The following ZNF493 variants were observed in gnomAD, a reference collection of about 807,000 sequenced individuals.
The protein encoded by ZNF493 is zinc finger protein 493.
In ZNF493, 11 loss-of-function variants were observed where a neutral mutation model predicts 12.2. The ratio of observed to expected loss-of-function variants is 0.90; its 90% CI spans 0.57 to 1.50. The LOEUF (loss-of-function observed/expected upper bound fraction) is 1.50. Ranked by LOEUF, ZNF493 falls within the 40% of genes most tolerant of loss-of-function variation. The pLI is 0.00. For missense variants in ZNF493, 950 were observed against 906.6 expected (o/e 1.05, Z -0.61); for synonymous variants, 286 against 302.6 (o/e 0.95, Z 0.57).
rs892406185 is a variant in ZNF493, at chr19:21,418,671, A to T, written c.254-4242A>T. Among the ~76,000 whole-genome samples, 23 of 152,316 alleles carry T rather than the reference A, an allele frequency of 1.5e-4. No individual in the cohort carries two copies. The South Asian group carries it at 1.9e-3, about 12-fold the overall frequency. On this transcript the variant is annotated intron_variant, in intron 3 of 3. Transcript: ENST00000392288. ...AGCTGAGATCCCTGAACAGAGATTT[A>T]CCCACGTATTTATTAACAGCAAGCC... is the stretch of plus-strand genomic sequence containing the variant.
rs1221904749 is a variant in ZNF493 at position 21,424,426 on chromosome 19, T to C, written c.1767T>C (p.Thr589=). 1 of 1,613,358 alleles carries C rather than the reference T, an allele frequency of 6.2e-7. No individual in the cohort carries two copies. Among genetic ancestry groups the C allele is most frequent in the Admixed American group, 1.7e-5 (1 of 59,900 alleles). The change falls in exon 4 of 4, where the codon ACT becomes ACC. Residue 589 remains threonine, a synonymous_variant. Transcript: ENST00000392288. ...CCTTTAGTGTATTCTCAACCCTTAC[T>C]AAACACAAGATAATTCATACTGATA... ...GKSFSVFSTL[T]KHKIIHTDKK... is the part of the protein sequence containing the mutation.
At chr19:21,408,879 TTC>T in intron 3 of ZNF493, 2 of 853,024 alleles carry the variant, frequency 2.3e-6, no homozygotes, top group Non-Finnish European at 2.7e-6. Flanking sequence ...CTTTCTTTCT[TTC>T]TTTTTTTTTT....
At chr19:21,406,314 A>G (rs903398765) in intron 3 of ZNF493, among the ~76,000 whole-genome samples, 2 of 152,022 alleles carry the variant, frequency 1.3e-5, no homozygotes, top group Non-Finnish European at 2.9e-5. Context: ...TTCCAAAGCA[A>G]AGAGTTTCTC....
chr19:21,412,055 C>T (rs1474742808), intron 3 of ZNF493: 2 of 151,932 alleles, frequency 1.3e-5, no homozygotes, highest in African/African-American at 4.8e-5. Flanking sequence ...GAGACCCTAA[C>T]CCAACGGTGC....
At chr19:21,420,291 TTTTA>T (rs2030616904) in intron 3 of ZNF493, among the ~76,000 whole-genome samples, 1 of 152,040 alleles carries the variant, frequency 6.6e-6, no homozygotes, top group South Asian at 2.1e-4. Flanking sequence ...TCTTCTTTAT[TTTTA>T]TTTTATATGC....
Position 21,405,111 on chromosome 19 carries a change from T to TG in ZNF493, c.31-17dup, listed in dbSNP as rs1378114339. The TG allele has an allele frequency of 6.2e-7, 1 of 1,602,394 alleles. No homozygotes were observed. ...AAATGTGTGTGTGTGTGTGTGTGTTTGTGTGTGTTTGTTTCAGGGGCCGTT... is the reference window on the plus strand; with the variant it reads ...AAATGTGTGTGTGTGTGTGTGTGTTTGGTGTGTGTTTGTTTCAGGGGCCGTT... On this transcript the variant is annotated splice_polypyrimidine_tract_variant and intron_variant, in intron 1 of 3. Transcript: ENST00000392288.
intron 3 of ZNF493, chr19:21,408,339 A>T (rs1223112940): frequency 2.8e-6 from 2 of 722,536 alleles, no homozygotes; most frequent in Non-Finnish European, 3.4e-6. Context: ...ATGTTGGCTA[A>T]GCTGGGTCTC....
In ZNF493 at chr19:21,424,360, T is replaced by C. The variant is rs571858742; in HGVS notation, c.1701T>C (p.His567=). The change falls in exon 4 of 4, where the codon CAT becomes CAC. Residue 567 remains histidine, a synonymous_variant. Coordinates refer to ENST00000392288, the MANE Select transcript of ZNF493 (RefSeq NM_001076678.3). ...ACCTTACTACACATAAGAGAATTCA[T>C]ACTGGACACAAACCCTACAAATGTA... ...SSHLTTHKRI[H]TGHKPYKCKE... 1.9e-6 allele frequency: 3 copies of C among 1,613,494 alleles called. No homozygotes were observed. Among genetic ancestry groups the C allele is most frequent in the Non-Finnish European group, 2.5e-6 (3 of 1,179,722 alleles).
chr19:21,427,560 G>A lies in ZNF493; in HGVS notation c.*2576G>A, dbSNP rs975362701. 1 of 152,080 alleles carries A rather than the reference G, an allele frequency of 6.6e-6. No individual in the cohort carries two copies. Among genetic ancestry groups the A allele is most frequent in the African/African-American group, 2.4e-5 (1 of 41,410 alleles). The allele number at this position is 152,080 out of a possible 1,614,324, so 9.4% of individuals were successfully genotyped here. Reference sequence around the variant, plus strand: ...TAAATATTATTGTGCATTCAATAAAGTGTTGTTATGCCACAAAGATTAACA... The same window carrying A: ...TAAATATTATTGTGCATTCAATAAAATGTTGTTATGCCACAAAGATTAACA... On this transcript the variant is annotated 3_prime_UTR_variant, in exon 4 of 4. Coordinates refer to ENST00000392288, the MANE Select transcript of ZNF493 (RefSeq NM_001076678.3).
chr19:21,416,760 T>G (rs2030507745), intron 3 of ZNF493, among the ~76,000 whole-genome samples: 1 of 152,206 alleles, frequency 6.6e-6, no homozygotes, highest in Admixed American at 6.5e-5. Flanking sequence ...CTCCTGGCTC[T>G]GCTTTCCAGG....
intron 2 of ZNF493, 158 bp downstream of exon 2, chr19:21,405,413 C>T: frequency 3.5e-6 from 5 of 1,446,160 alleles, no homozygotes; most frequent in Non-Finnish European, 4.5e-6. Flanking sequence ...AAAAAAATTT[C>T]TTCAGGATGT....
chr19:21,414,288 ACC>A (rs1361002744), intron 3 of ZNF493: 1 of 152,208 alleles, frequency 6.6e-6, no homozygotes, highest in Non-Finnish European at 1.5e-5. Flanking sequence ...TCGAGGATTA[ACC>A]CCTCCTGTAA....
Position 21,425,888 on chromosome 19 carries a change from C to T in ZNF493, c.*904C>T, listed in dbSNP as rs2030844327. 1.7e-6 allele frequency: 1 copy of T among 600,826 alleles called. No individual in the cohort carries two copies. The highest frequency in any genetic ancestry group is 3.1e-6 in the Non-Finnish European group (1 of 321,418). The allele number at this position is 600,826 out of a possible 1,614,324, so 37.2% of individuals were successfully genotyped here. ...GAATGTGGCAAAGCTTTTAACCAGT[C>T]CTCAAACTTTATTGAACAAAATAAT... is the stretch of plus-strand genomic sequence containing the variant. On this transcript the variant is annotated 3_prime_UTR_variant, in exon 4 of 4. Transcript: ENST00000392288.
At chr19:21,399,836 A>C (rs1392074965) in intron 1 of ZNF493, among the ~76,000 whole-genome samples, 1 of 152,188 alleles carries the variant, frequency 6.6e-6, no homozygotes, top group Admixed American at 6.5e-5. Context: ...ATACATTTCC[A>C]TGAGAAAATG....
chr19:21,415,910 T>C (rs1206641713), intron 3 of ZNF493, among the ~76,000 whole-genome samples: 1 of 152,258 alleles, frequency 6.6e-6, no homozygotes, highest in Non-Finnish European at 1.5e-5. Flanking sequence ...CTGGTTGTAA[T>C]GCTCCCATAG....
intron 1 of ZNF493, among the ~76,000 whole-genome samples, chr19:21,400,588 A>T (rs1264711211): frequency 6.6e-6 from 1 of 152,106 alleles, no homozygotes; most frequent in Non-Finnish European, 1.5e-5. Flanking sequence ...CTGCAAAAGG[A>T]GTTTATTAAA....
rs1266396504 is a variant in ZNF493 at position 21,426,780 on chromosome 19, T to C, written c.*1796T>C. On this transcript the variant is annotated 3_prime_UTR_variant, in exon 4 of 4. Coordinates refer to ENST00000392288, the MANE Select transcript of ZNF493 (RefSeq NM_001076678.3). ...TTTAATCCAAATTTGTCTATGTAAATACCAGAATTTATAGTAGAAATATAT... is the reference window on the plus strand; with the variant it reads ...TTTAATCCAAATTTGTCTATGTAAACACCAGAATTTATAGTAGAAATATAT... 11 of 167,010 alleles carry C rather than the reference T, an allele frequency of 6.6e-5. No homozygotes were observed. Among genetic ancestry groups the C allele is most frequent in the Admixed American group, 6.5e-4 (10 of 15,268 alleles). 10.3% of individuals were successfully genotyped at this position (167,010 alleles called of 1,614,324 possible). A position where few individuals can be genotyped will look rare whatever the true frequency, so the allele number is the denominator to read the frequency against.
chr19:21,413,158 A>C, intron 3 of ZNF493: 1 of 310,412 alleles, frequency 3.2e-6, no homozygotes. Context: ...CAATCTTTCT[A>C]AAGAAGTACA....
At chr19:21,418,465 C>G (rs892369456) in intron 3 of ZNF493, among the ~76,000 whole-genome samples, 3 of 152,136 alleles carry the variant, frequency 2.0e-5, no homozygotes, top group Non-Finnish European at 4.4e-5. Flanking sequence ...CGGCTTAGTT[C>G]TACATTCTCC....
Sources: gnomAD v4.1 joint callset for allele counts (sites outside exome capture counted in the v4.1 genomes callset) on GRCh38, gnomAD v4.1.1 for gene constraint, MANE v1.5 for transcripts, NCBI Gene and HGNC (gene_info 2026-07-23, HGNC 2026-07-21) for gene names.